Variants in FGF12 observed in about 807,000 individuals in gnomAD.
FGF12 encodes fibroblast growth factor 12, also known as fibroblast growth factor 12B.
FGF12 carries 14 observed loss-of-function variants against 23.6 expected under a neutral mutation model. The ratio of observed to expected loss-of-function variants is 0.59; its 90% confidence interval spans 0.39 to 0.93. The LOEUF (loss-of-function observed/expected upper bound fraction) is 0.93. FGF12 is among the 40% of genes least tolerant of loss of function. The pLI, the probability that FGF12 is intolerant of heterozygous loss-of-function variation, is 0.00. For missense variants in FGF12, 175 were observed against 217.8 expected (o/e 0.80, Z 1.24); for synonymous variants, 62 against 77.3 (o/e 0.80, Z 1.04).
At chr3:192,488,950 A>G (rs1397867566) in intron 2 of FGF12, among the ~76,000 whole-genome samples, 4 of 152,072 alleles carry the variant, frequency 2.6e-5, no homozygotes, top group Non-Finnish European at 5.9e-5. Context: ...GTCACATGAA[A>G]GACCAAATTG....
chr3:192,708,173 T>C (rs1381349021), intron 2 of FGF12, among the ~76,000 whole-genome samples: 1 of 151,918 alleles, frequency 6.6e-6, no homozygotes, highest in Non-Finnish European at 1.5e-5. Flanking sequence ...GTTAGCCAGG[T>C]TGGTCTCGAT....
chr3:192,341,430 C>T (rs1717683948), intron 3 of FGF12, among the ~76,000 whole-genome samples: 1 of 152,064 alleles, frequency 6.6e-6, no homozygotes, highest in South Asian at 2.1e-4. Flanking sequence ...TATAGACTTG[C>T]TGCTATCAGG....
intron 4 of FGF12, among the ~76,000 whole-genome samples, chr3:192,234,413 T>C (rs758908169): frequency 2.6e-5 from 4 of 152,210 alleles, no homozygotes; most frequent in Non-Finnish European, 5.9e-5. Flanking sequence ...CTGAAGTTGT[T>C]TGTCAGTTCT....
chr3:192,468,177 T>G (rs1056762944), intron 2 of FGF12, among the ~76,000 whole-genome samples: 2 of 152,112 alleles, frequency 1.3e-5, no homozygotes, highest in Non-Finnish European at 2.9e-5. Context: ...TTTGGAAAAA[T>G]TGAAAGATGA....
rs915238441 is a variant in FGF12 at position 192,139,830 on chromosome 3, C to A, written c.*4179G>T. 6.6e-6 allele frequency: 1 copy of A among 151,952 alleles called. No individual in the cohort carries two copies. The highest frequency in any genetic ancestry group is 1.5e-5 in the Non-Finnish European group (1 of 67,922). The allele number at this position is 151,952 out of a possible 1,614,324, so 9.4% of individuals were successfully genotyped here. Reference sequence around the variant, plus strand: ...TTTAACTTGGGCTCCAGGAAAAATCCTGAAAAAGAAAGATCAGCATCTAGC... The same window carrying A: ...TTTAACTTGGGCTCCAGGAAAAATCATGAAAAAGAAAGATCAGCATCTAGC... On this transcript the variant is annotated 3_prime_UTR_variant, in exon 6 of 6. Coordinates refer to ENST00000445105, the MANE Select transcript of FGF12 (RefSeq NM_004113.6).
At chr3:192,483,843 C>T (rs2108820970) in intron 2 of FGF12, among the ~76,000 whole-genome samples, 1 of 152,272 alleles carries the variant, frequency 6.6e-6, no homozygotes, top group East Asian at 1.9e-4. Context: ...CTAACAATCA[C>T]ATGGGCTGTG....
At chr3:192,467,718 C>T (rs1723052376) in intron 2 of FGF12, among the ~76,000 whole-genome samples, 1 of 152,158 alleles carries the variant, frequency 6.6e-6, no homozygotes, top group South Asian at 2.1e-4. Context: ...GATAAAAATA[C>T]TAGGCACATG....
chr3:192,455,849 T>A (rs1722666071), intron 2 of FGF12, among the ~76,000 whole-genome samples: 1 of 152,182 alleles, frequency 6.6e-6, no homozygotes, highest in Non-Finnish European at 1.5e-5. Flanking sequence ...TGTCAACAGT[T>A]CCATTGGTCC....
chr3:192,284,107 C>T (rs374106171), intron 4 of FGF12, among the ~76,000 whole-genome samples: 12 of 152,202 alleles, frequency 7.9e-5, no homozygotes, highest in African/African-American at 2.9e-4. Context: ...CTACTAGACA[C>T]TTGCCACTAA....
intron 2 of FGF12, among the ~76,000 whole-genome samples, chr3:192,501,537 A>C (rs1052817242): frequency 1.3e-5 from 2 of 152,214 alleles, no homozygotes; most frequent in Non-Finnish European, 2.9e-5. Flanking sequence ...ATGATGACTC[A>C]TCTAGGGCTA....
At chr3:192,425,230 G>A (rs1324647405) in intron 2 of FGF12, among the ~76,000 whole-genome samples, 1 of 152,148 alleles carries the variant, frequency 6.6e-6, no homozygotes, top group Non-Finnish European at 1.5e-5. Flanking sequence ...TCTAGTGGAT[G>A]GACCTGATAT....
chr3:192,655,615 C>A (rs1716381582), intron 2 of FGF12, among the ~76,000 whole-genome samples: 1 of 152,140 alleles, frequency 6.6e-6, no homozygotes, highest in African/African-American at 2.4e-5. Context: ...CCCATTTAAT[C>A]ATAACTGATG....
intron 2 of FGF12, among the ~76,000 whole-genome samples, chr3:192,366,176 G>A (rs1481287873): frequency 3.3e-5 from 5 of 152,014 alleles, no homozygotes; most frequent in Admixed American, 3.3e-4. Flanking sequence ...AGCAAGAAGG[G>A]AGAAGAGAGG....
intron 2 of FGF12, among the ~76,000 whole-genome samples, chr3:192,452,611 C>G (rs905477201): frequency 5.9e-5 from 9 of 152,164 alleles, no homozygotes; most frequent in African/African-American, 2.2e-4. Flanking sequence ...CTATTTTATG[C>G]TGCATTGGCC....
chr3:192,485,457 C>T (rs942495723), intron 2 of FGF12, among the ~76,000 whole-genome samples: 4 of 152,100 alleles, frequency 2.6e-5, no homozygotes, highest in African/African-American at 9.7e-5. Flanking sequence ...TTTCAGAAAT[C>T]CCAGCTCTAG....
intron 4 of FGF12, among the ~76,000 whole-genome samples, chr3:192,182,322 A>C (rs887992421): frequency 3.9e-5 from 6 of 152,168 alleles, no homozygotes; most frequent in African/African-American, 1.4e-4. Flanking sequence ...AAGTACAATT[A>C]ATGTACTAGT....
At position 192,240,737 on chromosome 3, in the gene FGF12, A is replaced by AT. The variant is rs1352113394; in HGVS notation, c.229-70082dup. On this transcript the variant is annotated intron_variant, in intron 4 of 5. Coordinates refer to ENST00000445105, the MANE Select transcript of FGF12 (RefSeq NM_004113.6). Reference sequence around the variant, plus strand: ...TTGGTCTGATATTTTGTCAGAAGACATATCTCCCCCCAATTTCTCAGAGGT... The same window carrying AT: ...TTGGTCTGATATTTTGTCAGAAGACATTATCTCCCCCCAATTTCTCAGAGGT... 2.6e-5 allele frequency among the ~76,000 whole-genome samples: 4 copies of AT among 152,292 alleles called. No individual in the cohort carries two copies. In the East Asian group the frequency reaches 7.7e-4, roughly 29 times the overall value.
intron 4 of FGF12, among the ~76,000 whole-genome samples, chr3:192,308,217 T>C (rs959487212): frequency 6.6e-6 from 1 of 152,042 alleles, no homozygotes; most frequent in African/African-American, 2.4e-5. Flanking sequence ...AACAAACAAG[T>C]AAATGTGGAA....
chr3:192,231,548 C>A (rs1469651843), intron 4 of FGF12, among the ~76,000 whole-genome samples: 1 of 151,922 alleles, frequency 6.6e-6, no homozygotes, highest in African/African-American at 2.4e-5. Context: ...GGCAGGTGGA[C>A]TGCTTGAGGT....
Sources: allele counts gnomAD v4.1 joint callset (sites outside exome capture counted in the v4.1 genomes callset), GRCh38; gene constraint gnomAD v4.1.1; transcripts MANE v1.5; gene names NCBI Gene and HGNC (gene_info 2026-07-23, HGNC 2026-07-21).